Variants in PPIP5K2 observed in about 807,000 individuals in gnomAD.
The protein encoded by PPIP5K2 is inositol hexakisphosphate and diphosphoinositol-pentakisphosphate kinase 2.
In PPIP5K2, 105 loss-of-function variants were observed where a neutral mutation model predicts 154.6. That is an observed-to-expected ratio of 0.68 (90% confidence interval 0.58 to 0.80). The LOEUF (loss-of-function observed/expected upper bound fraction) is 0.80. PPIP5K2 is among the 30% of genes least tolerant of loss of function. The pLI is 0.00. For synonymous variants in PPIP5K2, 480 were observed against 490.3 expected, an observed-to-expected ratio of 0.98 and a Z score of 0.28; for missense variants, 992 against 1,504.6, an observed-to-expected ratio of 0.66 and a Z score of 5.64.
At chr5:103,177,020 ATGG>A (rs1798830882) in intron 21 of PPIP5K2, 2 of 717,416 alleles carry the variant, frequency 2.8e-6, no homozygotes, top group Middle Eastern at 2.8e-4. Context: ...GAACTATATG[ATGG>A]TGGGAAAAAA....
chr5:103,153,162 A>G (rs1450919831), intron 10 of PPIP5K2, among the ~76,000 whole-genome samples: 5 of 151,840 alleles, frequency 3.3e-5, no homozygotes, highest in African/African-American at 1.2e-4. Flanking sequence ...TTTTTTCACA[A>G]CTTAGATATT....
Position 103,210,939 on chromosome 5 carries a change from A to G in PPIP5K2, c.*9305A>G, listed in dbSNP as rs1554232551. 1.3e-5 allele frequency: 2 copies of G among 152,280 alleles called. No homozygotes were observed. Among genetic ancestry groups the G allele is most frequent in the South Asian group, 4.1e-4 (2 of 4,830 alleles). The allele number at this position is 152,280 out of a possible 1,614,324, so 9.4% of individuals were successfully genotyped here. A position where few individuals can be genotyped will look rare whatever the true frequency, so the allele number is the denominator to read the frequency against. On this transcript the variant is annotated 3_prime_UTR_variant, in exon 31 of 31. Transcript: ENST00000358359. ...CAGTTATGGAAATATTTCTGCTGCA[A>G]GAAAAGAATTACATACAACTAGTAT...
chr5:103,172,453 T>C (rs1798109348), intron 19 of PPIP5K2, among the ~76,000 whole-genome samples: 1 of 151,148 alleles, frequency 6.6e-6, no homozygotes, highest in Non-Finnish European at 1.5e-5. Context: ...AGAGAAGGTA[T>C]ATGTGTTTCT....
intron 2 of PPIP5K2, among the ~76,000 whole-genome samples, chr5:103,130,632 C>A (rs1368901939): frequency 2.6e-5 from 4 of 152,160 alleles, no homozygotes; most frequent in African/African-American, 9.7e-5. Flanking sequence ...ACCTTTGCTA[C>A]CTCCTGCCCC....
intron 23 of PPIP5K2, 116 bp from the exon 24 acceptor site, chr5:103,179,905 G>GT (rs1562481508): frequency 1.5e-5 from 12 of 814,780 alleles, no homozygotes; most frequent in African/African-American, 3.6e-5. Context: ...ATTCATCTGA[G>GT]TAAACAAACT....
At chr5:103,147,204 T>C (rs912177622) in intron 6 of PPIP5K2, among the ~76,000 whole-genome samples, 4 of 151,960 alleles carry the variant, frequency 2.6e-5, no homozygotes, top group Admixed American at 6.5e-5. Context: ...CTCTTAACAA[T>C]ATAATTTAGC....
At chr5:103,131,652 G>A (rs1790638553) in intron 2 of PPIP5K2, among the ~76,000 whole-genome samples, 1 of 152,118 alleles carries the variant, frequency 6.6e-6, no homozygotes, top group Non-Finnish European at 1.5e-5. Context: ...TTCATTTGAT[G>A]TATAGCTTTA....
At chr5:103,192,053 T>C (rs1401299356) in intron 29 of PPIP5K2, among the ~76,000 whole-genome samples, 1 of 152,104 alleles carries the variant, frequency 6.6e-6, no homozygotes, top group Non-Finnish European at 1.5e-5. Flanking sequence ...CTCTATTCTC[T>C]TTATATTTTG....
At position 103,177,905 on chromosome 5, in the gene PPIP5K2, T is replaced by C; in HGVS notation, c.2679T>C (p.Phe893=). 1 of 1,613,324 alleles carries C rather than the reference T, an allele frequency of 6.2e-7. No individual in the cohort carries two copies. The highest frequency in any genetic ancestry group is 8.5e-7 in the Non-Finnish European group (1 of 1,179,410). ...SEERFHVELH[F]SPGAKGCEED... ...AACGCTTTCATGTTGAATTACACTT[T>C]AGTCCGGGAGCCAAAGGTTGTGAAG... Residue 893 remains phenylalanine, a synonymous_variant, in exon 23 of 31, where the codon TTT becomes TTC. Transcript: ENST00000358359.
chr5:103,123,305 G>A (rs368307587), intron 1 of PPIP5K2, among the ~76,000 whole-genome samples: 2 of 152,278 alleles, frequency 1.3e-5, no homozygotes, highest in African/African-American at 4.8e-5. Context: ...ACAGAGCTGA[G>A]CAACTTGCAG....
At chr5:103,186,714 GATT>G (rs1226538351) in intron 27 of PPIP5K2, among the ~76,000 whole-genome samples, 1 of 152,078 alleles carries the variant, frequency 6.6e-6, no homozygotes, top group African/African-American at 2.4e-5. Context: ...TTAGATAATT[GATT>G]ATATTATAAA....
At chr5:103,191,885 CT>C (rs1242462584) in intron 29 of PPIP5K2, among the ~76,000 whole-genome samples, 1 of 151,990 alleles carries the variant, frequency 6.6e-6, no homozygotes, top group Non-Finnish European at 1.5e-5. Flanking sequence ...AAGTGACAAA[CT>C]TTCTTTGTGT....
rs377753343 is a variant in PPIP5K2 at position 103,129,685 on chromosome 5, T to G, written c.96T>G (p.Asp32Glu). The change falls in exon 2 of 31, where the codon GAT becomes GAG. Residue 32 changes from aspartate to glutamate, a missense_variant. This residue lies in a region of PPIP5K2 where 153 missense variants were observed against 200.4 expected (regional missense o/e 0.76). Coordinates refer to ENST00000358359, the MANE Select transcript of PPIP5K2 (RefSeq NM_001276277.3). Reference sequence around the variant, plus strand: ...TCTTCCACCATGCAGATGAAGACGATGAGGAGGAAGATGATTCTGTAAGTT... The same window carrying G: ...TCTTCCACCATGCAGATGAAGACGAGGAGGAGGAAGATGATTCTGTAAGTT... ...RHFFHHADED[D>E]EEEDDSPPER... 6.2e-6 allele frequency: 10 copies of G among 1,606,746 alleles called. No homozygotes were observed. In the South Asian group the frequency reaches 1.0e-4, roughly 16 times the overall value.
At chr5:103,195,355 C>T (rs1223966217) in intron 30 of PPIP5K2, among the ~76,000 whole-genome samples, 4 of 151,960 alleles carry the variant, frequency 2.6e-5, no homozygotes, top group African/African-American at 9.7e-5. Flanking sequence ...CATAGTGGTG[C>T]CCACCTGCAA....
chr5:103,189,640 T>C (rs1405385904), intron 28 of PPIP5K2, among the ~76,000 whole-genome samples: 1 of 152,104 alleles, frequency 6.6e-6, no homozygotes, highest in Non-Finnish European at 1.5e-5. Context: ...TAATGTTCTG[T>C]CATGCTTTGG....
At chr5:103,127,148 T>TAGAA (rs1562359777) in intron 1 of PPIP5K2, among the ~76,000 whole-genome samples, 1 of 152,228 alleles carries the variant, frequency 6.6e-6, no homozygotes. Flanking sequence ...CTCACTTTGT[T>TAGAA]AGAACACTTT....
In PPIP5K2 at chr5:103,210,032, C is replaced by T. The variant is rs1554232505; in HGVS notation, c.*8398C>T. The T allele has an allele frequency of 6.6e-6, 1 of 152,110 alleles. No individual in the cohort carries two copies. The highest frequency in any genetic ancestry group is 2.4e-5 in the African/African-American group (1 of 41,398). 9.4% of individuals were successfully genotyped at this position (152,110 alleles called of 1,614,324 possible). A position where few individuals can be genotyped will look rare whatever the true frequency, so the allele number is the denominator to read the frequency against. ...ACAATTTTATATAACTGATTCTTCA[C>T]TGGTCATCCAGAAGCCTTTTTGAAA... On this transcript the variant is annotated 3_prime_UTR_variant, in exon 31 of 31. Coordinates refer to ENST00000358359, the MANE Select transcript of PPIP5K2 (RefSeq NM_001276277.3).
chr5:103,163,622 C>T (rs1796686893), intron 17 of PPIP5K2, among the ~76,000 whole-genome samples: 1 of 151,898 alleles, frequency 6.6e-6, no homozygotes, highest in Non-Finnish European at 1.5e-5. Flanking sequence ...AACACTTGTA[C>T]ATTAAATATA....
Position 103,207,953 on chromosome 5 carries a change from A to G in PPIP5K2, c.*6319A>G, listed in dbSNP as rs1306831471. ...ACACTGTGCAGGTTTATTTTCAAGT[A>G]TTACTTACCTTTATATGAGATAAAT... On this transcript the variant is annotated 3_prime_UTR_variant, in exon 31 of 31. Coordinates refer to ENST00000358359, the MANE Select transcript of PPIP5K2 (RefSeq NM_001276277.3). 3 of 151,938 alleles carry G rather than the reference A, an allele frequency of 2.0e-5. No individual in the cohort carries two copies. The highest frequency in any genetic ancestry group is 2.9e-5 in the Non-Finnish European group (2 of 68,014). The allele number at this position is 151,938 out of a possible 1,614,324, so 9.4% of individuals were successfully genotyped here.
Sources: gnomAD v4.1 joint callset for allele counts (sites outside exome capture counted in the v4.1 genomes callset) on GRCh38, gnomAD v4.1.1 for gene constraint, gnomAD v4.1.1 regional missense constraint, MANE v1.5 for transcripts, NCBI Gene and HGNC (gene_info 2026-07-23, HGNC 2026-07-21) for gene names.